Variants in KIF13A observed in about 807,000 individuals in gnomAD.
The protein encoded by KIF13A is kinesin-like protein KIF13A.
Under a neutral mutation model 212.2 loss-of-function variants are expected in KIF13A, and 79 were observed. That is an observed-to-expected ratio of 0.37 (90% CI 0.31 to 0.45). The LOEUF (loss-of-function observed/expected upper bound fraction) is 0.45, where lower values mean the gene tolerates loss of function less well. KIF13A is among the 20% of genes least tolerant of loss of function. KIF13A has a pLI of 1.00. For missense variants in KIF13A, 1,901 were observed against 2,209.0 expected (o/e 0.86, Z 2.79); for synonymous variants, 789 against 808.6 (o/e 0.98, Z 0.41).
intron 19 of KIF13A, 55 bp downstream of exon 19, chr6:17,805,420 T>G: frequency 2.8e-6 from 4 of 1,442,308 alleles, no homozygotes; most frequent in Non-Finnish European, 3.9e-6. Context: ...GCTAAATCGC[T>G]TATATTCTCT....
At position 17,987,540 on chromosome 6, in the gene KIF13A, TGCAG is replaced by T; in HGVS notation, c.-81_-78del. ...CCCTCACGCGCGGCGCCGCCGCCGCTGCAGCCGCGCGCCCCTCGAGCGCGGCCGC... is the reference window on the plus strand; with the variant it reads ...CCCTCACGCGCGGCGCCGCCGCCGCTCCGCGCGCCCCTCGAGCGCGGCCGC... On this transcript the variant is annotated 5_prime_UTR_variant, in exon 1 of 39. It removes the in-frame stop codon of an upstream open reading frame in the 5' UTR. Coordinates refer to ENST00000259711, the MANE Select transcript of KIF13A (RefSeq NM_022113.6). The surrounding 1 kb of genome is among the most constrained non-coding windows in gnomAD (Gnocchi z 7.7). 4 of 789,102 alleles carry T rather than the reference TGCAG, an allele frequency of 5.1e-6. No individual in the cohort carries two copies. The highest frequency in any genetic ancestry group is 6.2e-6 in the Non-Finnish European group (4 of 641,848). The allele number at this position is 789,102 out of a possible 1,614,324, so 48.9% of individuals were successfully genotyped here.
intron 2 of KIF13A, among the ~76,000 whole-genome samples, chr6:17,930,257 T>C (rs75536719): frequency 0.019 from 2,943 of 152,242 alleles, 42 homozygotes; most frequent in Non-Finnish European, 0.031. Context: ...AGTATTTACT[T>C]AGGAAGGAGA....
chr6:17,886,764 T>G lies in KIF13A; in HGVS notation c.159+11404A>C, dbSNP rs1771578399. On this transcript the variant is annotated intron_variant, in intron 3 of 38. Transcript: ENST00000259711. The surrounding 1 kb of genome is among the most constrained non-coding windows in gnomAD (Gnocchi z 5.6). ...TTGCAGTGAGTTAAGATCATGCCAT[T>G]GCACTCCAGCCTGGGCAACAAGGGC... Among the ~76,000 whole-genome samples the G allele has an allele frequency of 6.6e-6, 1 of 152,010 alleles. No homozygotes were observed.
At chr6:17,890,403 G>A (rs1191896766) in intron 3 of KIF13A, among the ~76,000 whole-genome samples, 1 of 152,076 alleles carries the variant, frequency 6.6e-6, no homozygotes, top group Non-Finnish European at 1.5e-5. Flanking sequence ...CTTGGAACAT[G>A]CCAGATATTC....
chr6:17,907,551 T>C (rs547500064), intron 2 of KIF13A, among the ~76,000 whole-genome samples: 8 of 146,796 alleles, frequency 5.4e-5, no homozygotes, highest in Non-Finnish European at 9.0e-5. Context: ...AAGGCATTTA[T>C]GGAAAAAAAA....
At chr6:17,759,617 CATA>C (rs1758499106), downstream of KIF13A, 1 of 152,180 alleles carries the variant, frequency 6.6e-6, no homozygotes, top group Admixed American at 6.5e-5. Context: ...TTTCCATACA[CATA>C]ATCCTTCAAT....
intron 2 of KIF13A, among the ~76,000 whole-genome samples, chr6:17,965,198 G>A (rs989531861): frequency 1.1e-4 from 16 of 152,104 alleles, no homozygotes; most frequent in Non-Finnish European, 2.2e-4. Flanking sequence ...AAGAAGTCTG[G>A]ATTAATTTTC....
rs189577243 is a variant in KIF13A at position 17,776,992 on chromosome 6, T to C, written c.4170+285A>G. On this transcript the variant is annotated intron_variant, in intron 34 of 38. Coordinates refer to ENST00000259711, the MANE Select transcript of KIF13A (RefSeq NM_022113.6). The surrounding 1 kb of genome is among the most constrained non-coding windows in gnomAD (Gnocchi z 4.6). The stretch of plus-strand genomic sequence containing the variant: ...CCAGGGACTCGGGTGCAAGTATTCA[T>C]AGCTGACTCCACCATCTGTAACCAA... Among the ~76,000 whole-genome samples the C allele has an allele frequency of 1.3e-5, 2 of 152,200 alleles. No homozygotes were observed. The highest frequency in any genetic ancestry group is 2.9e-5 in the Non-Finnish European group (2 of 68,044).
At chr6:17,981,196 C>A (rs1018990801) in intron 2 of KIF13A, among the ~76,000 whole-genome samples, 1 of 151,368 alleles carries the variant, frequency 6.6e-6, no homozygotes, top group Non-Finnish European at 1.5e-5. Flanking sequence ...AGAAATAATT[C>A]GGTAAGACAT....
In KIF13A at chr6:17,804,496, G is replaced by T; in HGVS notation, c.2319C>A (p.Tyr773Ter). The T allele has an allele frequency of 6.3e-7, 1 of 1,598,152 alleles. No homozygotes were observed. ...KEKVPEAKRLYGKRGDPFYEA... is the reference protein window; with the variant it reads ...KEKVPEAKRL Reference sequence around the variant, plus strand: ...CATAGAAAGGGTCACCTCGTTTTCCGTAGAGTCTCTTTGCCTGAGAAGTAG... The same window carrying T: ...CATAGAAAGGGTCACCTCGTTTTCCTTAGAGTCTCTTTGCCTGAGAAGTAG... Residue 773 changes from tyrosine (Y) to a stop codon, truncating the protein, a stop_gained, in exon 20 of 39, where the codon TAC becomes TAA. Coordinates refer to ENST00000259711, the MANE Select transcript of KIF13A (RefSeq NM_022113.6). LOFTEE classifies it high-confidence loss of function.
Position 17,826,000 on chromosome 6 carries a change from T to G in KIF13A, c.1619+38A>C, listed in dbSNP as rs774253829. ...ACACTTAAATAGATAACAGAAAAAATGTATACGAAAATATATTACAGAACA... is the reference window on the plus strand; with the variant it reads ...ACACTTAAATAGATAACAGAAAAAAGGTATACGAAAATATATTACAGAACA... On this transcript the variant is annotated intron_variant, in intron 15 of 38. Transcript: ENST00000259711. The surrounding 1 kb of genome is among the most constrained non-coding windows in gnomAD (Gnocchi z 4.5). 6.2e-7 allele frequency: 1 copy of G among 1,610,524 alleles called. No homozygotes were observed. The highest frequency in any genetic ancestry group is 8.5e-7 in the Non-Finnish European group (1 of 1,177,336).
At chr6:17,778,470 A>G (rs1377317171) in intron 33 of KIF13A, among the ~76,000 whole-genome samples, 1 of 152,204 alleles carries the variant, frequency 6.6e-6, no homozygotes, top group African/African-American at 2.4e-5. Flanking sequence ...GATTATTTTC[A>G]CTTGAATGAC....
intron 2 of KIF13A, among the ~76,000 whole-genome samples, chr6:17,985,487 G>C (rs1781463448): frequency 6.6e-6 from 1 of 152,088 alleles, no homozygotes; most frequent in African/African-American, 2.4e-5. Context: ...TTATGGTTAA[G>C]AGTGACAAGG....
At position 17,963,604 on chromosome 6, in the gene KIF13A, C is replaced by A. The variant is rs1215531851; in HGVS notation, c.146+23450G>T. Among the ~76,000 whole-genome samples the A allele has an allele frequency of 1.3e-5, 2 of 152,202 alleles. No homozygotes were observed. Among genetic ancestry groups the A allele is most frequent in the African/African-American group, 4.8e-5 (2 of 41,460 alleles). ...ACAGAGTCTTGCTGTGTCGCCTAGG[C>A]TGGAGTGCTGCGCGTGATCGCAGCT... On this transcript the variant is annotated intron_variant, in intron 2 of 38. Transcript: ENST00000259711. The surrounding 1 kb of genome is among the most constrained non-coding windows in gnomAD (Gnocchi z 4.1).
chr6:17,848,854 C>T (rs1485031571), intron 9 of KIF13A, among the ~76,000 whole-genome samples: 1 of 152,140 alleles, frequency 6.6e-6, no homozygotes, highest in Non-Finnish European at 1.5e-5. Flanking sequence ...GTGATCCACT[C>T]ACCTTGGCCT....
chr6:17,975,292 G>A (rs375698733), intron 2 of KIF13A, among the ~76,000 whole-genome samples: 106 of 152,218 alleles, frequency 7.0e-4, no homozygotes, highest in African/African-American at 2.4e-3. Flanking sequence ...GGTGAAGGTT[G>A]CAATGAGCTG....
Position 17,838,072 on chromosome 6 carries a change from T to G in KIF13A, c.831-489A>C, listed in dbSNP as rs772678775. 5.9e-5 allele frequency among the ~76,000 whole-genome samples: 9 copies of G among 152,050 alleles called. No homozygotes were observed. Among genetic ancestry groups the G allele is most frequent in the Admixed American group, 1.3e-4 (2 of 15,266 alleles). The stretch of plus-strand genomic sequence containing the variant: ...TGGCTCACACCTGTAATCCCAGCAC[T>G]TTGGGAGGCTGAGGCAGGTGGATCA... On this transcript the variant is annotated intron_variant, in intron 9 of 38. Coordinates refer to ENST00000259711, the MANE Select transcript of KIF13A (RefSeq NM_022113.6). The surrounding 1 kb of genome is among the most constrained non-coding windows in gnomAD (Gnocchi z 4.2).
At chr6:17,831,823 C>T (rs1196103247) in intron 12 of KIF13A, among the ~76,000 whole-genome samples, 3 of 150,858 alleles carry the variant, frequency 2.0e-5, no homozygotes, top group African/African-American at 7.3e-5. Context: ...CTTGTATTCA[C>T]TCATTCATTC....
chr6:17,805,525 A>C lies in KIF13A; in HGVS notation c.2254T>G (p.Leu752Val). Residue 752 changes from leucine (L) to valine (V), a missense_variant, in exon 19 of 39, where the codon TTA becomes GTA. Leu to Val is a conservative substitution (Grantham distance 32). This residue lies in a region of KIF13A where 534 missense variants were observed against 536.9 expected (regional missense o/e 0.99). Coordinates refer to ENST00000259711, the MANE Select transcript of KIF13A (RefSeq NM_022113.6). ...TGGTAAAGGTCTCTCATGTCAATTA[A>C]TTTATTCTCCAGCTTCTCAATGGTC... ...VWTIEKLENKLIDMRDLYQEW... is the reference protein window; with the variant it reads ...VWTIEKLENKVIDMRDLYQEW... The C allele has an allele frequency of 6.2e-7, 1 of 1,613,788 alleles. No homozygotes were observed. Among genetic ancestry groups the C allele is most frequent in the Non-Finnish European group, 8.5e-7 (1 of 1,179,830 alleles).
Sources: allele counts gnomAD v4.1 joint callset (sites outside exome capture counted in the v4.1 genomes callset), GRCh38; gene constraint gnomAD v4.1.1; regional missense constraint gnomAD v4.1.1; non-coding constraint Gnocchi (gnomAD v3.1); transcripts MANE v1.5; gene names NCBI Gene and HGNC (gene_info 2026-07-23, HGNC 2026-07-21).